Variants in VANGL2 observed in about 807,000 individuals in gnomAD.
VANGL2 encodes the protein VANGL planar cell polarity protein 2.
In VANGL2, 14 loss-of-function variants were observed where a neutral mutation model predicts 50.2. The observed-to-expected ratio is 0.28, with a 90% CI of 0.18 to 0.44. The LOEUF is 0.44. Among genes scored for constraint, VANGL2 ranks in the 20% least tolerant of loss-of-function variants. VANGL2 has a pLI of 1.00. For synonymous variants in VANGL2, 295 were observed against 297.2 expected (o/e 0.99, Z 0.08); for missense variants, 533 against 701.5 (o/e 0.76, Z 2.71).
chr1:160,418,942 T>C, intron 3 of VANGL2, 60 bp from the exon 4 acceptor site: 1 of 1,551,146 alleles, frequency 6.4e-7, no homozygotes, highest in South Asian at 1.2e-5. Context: ...CCTGTTTCCC[T>C]CCTCTTCCTC....
In VANGL2 at chr1:160,405,955, T is replaced by C. The variant is rs141344797; in HGVS notation, c.-191+5086T>C. 4.4e-4 allele frequency among the ~76,000 whole-genome samples: 67 copies of C among 152,190 alleles called. No individual in the cohort carries two copies. In the East Asian group the frequency reaches 0.012, roughly 28 times the overall value. ...TATTTTGGGGTGTTTCTCCTTACAG[T>C]GAGGTTATGGGAGCAGGAAGTGGAG... On this transcript the variant is annotated intron_variant, in intron 1 of 7. Coordinates refer to ENST00000368061, the MANE Select transcript of VANGL2 (RefSeq NM_020335.3).
At chr1:160,405,918 G>A (rs1239035895) in intron 1 of VANGL2, among the ~76,000 whole-genome samples, 1 of 152,162 alleles carries the variant, frequency 6.6e-6, no homozygotes, top group African/African-American at 2.4e-5. Context: ...GCACCTAGAG[G>A]TGGTTCCATC....
intron 1 of VANGL2, among the ~76,000 whole-genome samples, chr1:160,405,686 C>T (rs1266542716): frequency 6.6e-6 from 1 of 151,826 alleles, no homozygotes; most frequent in Admixed American, 6.6e-5. Context: ...GGGCCTCCTT[C>T]CCCTGCCGCT....
Position 160,426,937 on chromosome 1 carries a change from C to T in VANGL2, c.*1559C>T, listed in dbSNP as rs1159574361. 1 of 152,358 alleles carries T rather than the reference C, an allele frequency of 6.6e-6. No homozygotes were observed. The highest frequency in any genetic ancestry group is 1.5e-5 in the Non-Finnish European group (1 of 68,082). 9.4% of individuals were successfully genotyped at this position (152,358 alleles called of 1,614,324 possible). A position where few individuals can be genotyped will look rare whatever the true frequency, so the allele number is the denominator to read the frequency against. On this transcript the variant is annotated 3_prime_UTR_variant, in exon 8 of 8. Transcript: ENST00000368061. Reference sequence around the variant, plus strand: ...CCCAGTGTCTCCCCTGGGAGGCTCCCCCTCTGTGTAGCACCAGCCCTGGGA... The same window carrying T: ...CCCAGTGTCTCCCCTGGGAGGCTCCTCCTCTGTGTAGCACCAGCCCTGGGA...
intron 6 of VANGL2, among the ~76,000 whole-genome samples, chr1:160,421,481 C>T (rs891914031): frequency 6.6e-6 from 1 of 152,024 alleles, no homozygotes; most frequent in Non-Finnish European, 1.5e-5. Context: ...CTTTCTCTTT[C>T]AAGCTCATTA....
At chr1:160,411,474 G>A (rs1032345931) in intron 1 of VANGL2, among the ~76,000 whole-genome samples, 3 of 151,634 alleles carry the variant, frequency 2.0e-5, no homozygotes, top group Admixed American at 6.6e-5. Flanking sequence ...ATTAAATAAG[G>A]GGAACTTCTG....
rs1479460722 is a variant in VANGL2, at chr1:160,427,183, TCTC to T, written c.*1806_*1808del. On this transcript the variant is annotated 3_prime_UTR_variant, in exon 8 of 8. Transcript: ENST00000368061. ...TGTTCTGGGGGTCTGTCTCTTTTCT[TCTC>T]TTCAAAAACTTTGTGTCAGAGAGTC... The T allele has an allele frequency of 6.5e-6, 1 of 152,682 alleles. No individual in the cohort carries two copies. The highest frequency in any genetic ancestry group is 1.5e-5 in the Non-Finnish European group (1 of 68,094). 9.5% of individuals were successfully genotyped at this position (152,682 alleles called of 1,614,324 possible).
chr1:160,419,151 C>G lies in VANGL2; in HGVS notation c.342C>G (p.Thr114=). The G allele has an allele frequency of 6.2e-7, 1 of 1,614,144 alleles. No homozygotes were observed. Among genetic ancestry groups the G allele is most frequent in the Non-Finnish European group, 8.5e-7 (1 of 1,180,018 alleles). ...ACCTGGGTGTGGCAGCGGGGGCCAC[C>G]CTGGCACTGCTGTCTTTCCTCACGC... ...SRHLGVAAGA[T]LALLSFLTPL... The change falls in exon 4 of 8, where the codon ACC becomes ACG. Residue 114 remains threonine (T), a synonymous_variant. Coordinates refer to ENST00000368061, the MANE Select transcript of VANGL2 (RefSeq NM_020335.3). The surrounding 1 kb of genome is among the most constrained non-coding windows in gnomAD (Gnocchi z 5.8).
chr1:160,406,599 C>A (rs567448553), intron 1 of VANGL2, among the ~76,000 whole-genome samples: 1 of 152,088 alleles, frequency 6.6e-6, no homozygotes, highest in Non-Finnish European at 1.5e-5. Context: ...GAGCCTGGTC[C>A]TTATTGTCTG....
chr1:160,403,151 T>A (rs889542647), intron 1 of VANGL2, among the ~76,000 whole-genome samples: 5 of 151,828 alleles, frequency 3.3e-5, no homozygotes, highest in African/African-American at 9.7e-5. Context: ...AAAGACCTTT[T>A]TTTTTTTTTA....
At chr1:160,417,271 G>A (rs1651094894) in intron 3 of VANGL2, among the ~76,000 whole-genome samples, 1 of 152,100 alleles carries the variant, frequency 6.6e-6, no homozygotes, top group African/African-American at 2.4e-5. Flanking sequence ...GGTGCTGTCG[G>A]GCTGCCTTCA....
chr1:160,403,300 A>T lies in VANGL2; in HGVS notation c.-191+2431A>T, dbSNP rs541544576. On this transcript the variant is annotated intron_variant, in intron 1 of 7. Coordinates refer to ENST00000368061, the MANE Select transcript of VANGL2 (RefSeq NM_020335.3). ...TGTATACGCTGATCACATGCATGAT[A>T]TATTATGCTGGTGGGGGCTCTCTTC... Among the ~76,000 whole-genome samples, 4 of 152,036 alleles carry T rather than the reference A, an allele frequency of 2.6e-5. No individual in the cohort carries two copies. In the East Asian group the frequency reaches 7.7e-4, roughly 29 times the overall value.
At position 160,416,175 on chromosome 1, in the gene VANGL2, A is replaced by T. The variant is rs780528677; in HGVS notation, c.185A>T (p.Asp62Val). 1 of 1,614,134 alleles carries T rather than the reference A, an allele frequency of 6.2e-7. No individual in the cohort carries two copies. Among genetic ancestry groups the T allele is most frequent in the South Asian group, 1.1e-5 (1 of 91,088 alleles). ...CTGGACAATGAGTCCACACGAGGGG[A>T]TGAGCGGGTGAGCACTGGGGATGCG... ...PLLDNESTRG[D>V]ERDDNWGETT... Residue 62 changes from aspartate (D) to valine (V), a missense_variant, in exon 3 of 8, where the codon GAT becomes GTT. By Grantham distance (152) the Asp-to-Val change is radical (BLOSUM62 -3). Coordinates refer to ENST00000368061, the MANE Select transcript of VANGL2 (RefSeq NM_020335.3).
chr1:160,403,245 C>G (rs1445190795), intron 1 of VANGL2, among the ~76,000 whole-genome samples: 1 of 151,982 alleles, frequency 6.6e-6, no homozygotes, highest in Admixed American at 6.5e-5. Context: ...AGATGGTGTG[C>G]CCTGGCCCTC....
intron 3 of VANGL2, among the ~76,000 whole-genome samples, chr1:160,417,533 G>A (rs1223462679): frequency 1.3e-5 from 2 of 152,242 alleles, no homozygotes; most frequent in East Asian, 1.9e-4. Context: ...CCCAGCAGAG[G>A]TGGCCTTGCA....
chr1:160,410,386 C>T (rs973803353), intron 1 of VANGL2, among the ~76,000 whole-genome samples: 2 of 152,106 alleles, frequency 1.3e-5, no homozygotes, highest in Non-Finnish European at 2.9e-5. Flanking sequence ...CCCTGGTTTC[C>T]ACAGCTCTTT....
intron 1 of VANGL2, among the ~76,000 whole-genome samples, chr1:160,406,225 C>G (rs16831953): frequency 0.092 from 14,001 of 152,274 alleles, 959 homozygotes; most frequent in African/African-American, 0.2. Flanking sequence ...CAGTGCTCTT[C>G]CTTTTCCCAA....
intron 1 of VANGL2, among the ~76,000 whole-genome samples, chr1:160,411,322 A>G (rs1232860428): frequency 6.6e-6 from 1 of 151,726 alleles, no homozygotes; most frequent in Non-Finnish European, 1.5e-5. Flanking sequence ...GTCCTGCACC[A>G]AGTCCGGACT....
chr1:160,403,774 T>G (rs1431351417), intron 1 of VANGL2, among the ~76,000 whole-genome samples: 1 of 152,200 alleles, frequency 6.6e-6, no homozygotes, highest in Non-Finnish European at 1.5e-5. Flanking sequence ...GGGCAAGTAA[T>G]AAACCCCATT....
Sources: allele counts gnomAD v4.1 joint callset (sites outside exome capture counted in the v4.1 genomes callset), GRCh38; gene constraint gnomAD v4.1.1; non-coding constraint Gnocchi (gnomAD v3.1); transcripts MANE v1.5; gene names NCBI Gene and HGNC (gene_info 2026-07-23, HGNC 2026-07-21).